Variants in MB21D2 observed in about 807,000 individuals in gnomAD.
MB21D2 encodes the protein nucleotidyltransferase MB21D2.
Under a neutral mutation model 33.3 loss-of-function variants are expected in MB21D2, and 9 were observed. The ratio of observed to expected loss-of-function variants is 0.27; its 90% confidence interval spans 0.16 to 0.47. The LOEUF (loss-of-function observed/expected upper bound fraction) is 0.47. Ranked by LOEUF, MB21D2 falls within the 20% of genes least tolerant of loss-of-function variation. The probability of loss-of-function intolerance (pLI) is 0.99; values close to 1 mark genes in which losing one functional copy is unlikely to be tolerated. For missense variants in MB21D2, 540 were observed against 624.6 expected (o/e 0.86, Z 1.44); for synonymous variants, 241 against 236.3 (o/e 1.02, Z -0.18).
intron 1 of MB21D2, among the ~76,000 whole-genome samples, chr3:192,828,944 C>T (rs927561391): frequency 6.6e-6 from 1 of 151,354 alleles, no homozygotes; most frequent in Non-Finnish European, 1.5e-5. Flanking sequence ...CCAACGTGCC[C>T]GGCCAAAACT....
At chr3:192,881,162 T>C (rs1713557864) in intron 1 of MB21D2, among the ~76,000 whole-genome samples, 4 of 152,284 alleles carry the variant, frequency 2.6e-5, no homozygotes, top group African/African-American at 9.6e-5. Flanking sequence ...GCAAGTTATC[T>C]TTGTAAACAG....
At chr3:192,857,181 C>A (rs1375385939) in intron 1 of MB21D2, among the ~76,000 whole-genome samples, 2 of 152,136 alleles carry the variant, frequency 1.3e-5, no homozygotes, top group African/African-American at 2.4e-5. Flanking sequence ...AAACAACAGG[C>A]CCTGCAAAAT....
intron 1 of MB21D2, among the ~76,000 whole-genome samples, chr3:192,857,635 G>A (rs1465540996): frequency 6.6e-6 from 1 of 151,826 alleles, no homozygotes; most frequent in Non-Finnish European, 1.5e-5. Context: ...CAAAAATTAG[G>A]CTAAAGAGAA....
At chr3:192,888,998 A>G (rs1713792743) in intron 1 of MB21D2, among the ~76,000 whole-genome samples, 1 of 152,008 alleles carries the variant, frequency 6.6e-6, no homozygotes, top group Non-Finnish European at 1.5e-5. Context: ...CATGCCCCTT[A>G]TGGTTCACAT....
At chr3:192,823,609 C>G (rs1286757858) in intron 1 of MB21D2, among the ~76,000 whole-genome samples, 1 of 152,068 alleles carries the variant, frequency 6.6e-6, no homozygotes, top group Non-Finnish European at 1.5e-5. Flanking sequence ...GAGACAAGAT[C>G]ACGCCATTGT....
intron 1 of MB21D2, among the ~76,000 whole-genome samples, chr3:192,892,425 G>A (rs988478503): frequency 6.6e-6 from 1 of 152,162 alleles, no homozygotes; most frequent in Non-Finnish European, 1.5e-5. Context: ...TCTTAATTTA[G>A]GAGTTTGCTA....
At chr3:192,888,234 T>C (rs1424929204) in intron 1 of MB21D2, among the ~76,000 whole-genome samples, 1 of 152,002 alleles carries the variant, frequency 6.6e-6, no homozygotes, top group African/African-American at 2.4e-5. Context: ...TAAATAGCCA[T>C]GAAAATCTAA....
rs140982042 is a variant in MB21D2 at position 192,882,357 on chromosome 3, G to T, written c.211+35273C>A. 5.9e-5 allele frequency among the ~76,000 whole-genome samples: 8 copies of T among 135,008 alleles called. 1 individual carries two copies. In the East Asian group the frequency reaches 1.8e-3, roughly 30 times the overall value. 88.6% of individuals were successfully genotyped at this position (135,008 alleles called of 152,430 possible). A position where few individuals can be genotyped will look rare whatever the true frequency, so the allele number is the denominator to read the frequency against. On this transcript the variant is annotated intron_variant, in intron 1 of 1. Coordinates refer to ENST00000392452, the MANE Select transcript of MB21D2 (RefSeq NM_178496.4). ...CCCAAAGTGCTGGGATTACAGGCAT[G>T]AGCCACTGCGCCCCGCACATTATTA...
chr3:192,916,379 C>T (rs921771983), intron 1 of MB21D2, among the ~76,000 whole-genome samples: 1 of 152,134 alleles, frequency 6.6e-6, no homozygotes, highest in Non-Finnish European at 1.5e-5. Flanking sequence ...AGGATAGAAG[C>T]AGCAACAGCC....
chr3:192,819,477 G>A (rs990386196), intron 1 of MB21D2, among the ~76,000 whole-genome samples: 2 of 152,174 alleles, frequency 1.3e-5, no homozygotes, highest in African/African-American at 4.8e-5. Flanking sequence ...AGTCAAGTGA[G>A]CAGAACCTGG....
chr3:192,913,901 T>A (rs1714408175), intron 1 of MB21D2, among the ~76,000 whole-genome samples: 1 of 152,078 alleles, frequency 6.6e-6, no homozygotes, highest in Non-Finnish European at 1.5e-5. Context: ...AACTATAGAT[T>A]TTAACATTTT....
chr3:192,879,640 G>C (rs1713517073), intron 1 of MB21D2, among the ~76,000 whole-genome samples: 1 of 152,190 alleles, frequency 6.6e-6, no homozygotes, highest in Non-Finnish European at 1.5e-5. Context: ...GGGCAGAGAA[G>C]GGGGTATCCG....
chr3:192,871,925 T>G (rs1172415031), intron 1 of MB21D2, among the ~76,000 whole-genome samples: 1 of 152,130 alleles, frequency 6.6e-6, no homozygotes, highest in Non-Finnish European at 1.5e-5. Flanking sequence ...GGGTACTGGA[T>G]AGAGACATCA....
intron 1 of MB21D2, among the ~76,000 whole-genome samples, chr3:192,852,160 T>C (rs1254052916): frequency 6.6e-6 from 1 of 152,064 alleles, no homozygotes; most frequent in African/African-American, 2.4e-5. Flanking sequence ...GGAGAGAAAA[T>C]ATGGGGCGAG....
intron 1 of MB21D2, among the ~76,000 whole-genome samples, chr3:192,873,347 C>A (rs930546028): frequency 6.6e-6 from 1 of 152,176 alleles, no homozygotes; most frequent in African/African-American, 2.4e-5. Flanking sequence ...TTCATCATAG[C>A]ACACAAAGAG....
chr3:192,875,069 C>A (rs750091976), intron 1 of MB21D2, among the ~76,000 whole-genome samples: 1 of 151,922 alleles, frequency 6.6e-6, no homozygotes, highest in Non-Finnish European at 1.5e-5. Context: ...TGCCACCTAT[C>A]TTCTACTGAG....
At chr3:192,817,392 GTAGA>G (rs1017411099) in intron 1 of MB21D2, among the ~76,000 whole-genome samples, 5 of 151,870 alleles carry the variant, frequency 3.3e-5, no homozygotes, top group Non-Finnish European at 5.9e-5. Flanking sequence ...AAAGCACCTG[GTAGA>G]TAGGAGAGAG....
chr3:192,905,782 G>A (rs566410443), intron 1 of MB21D2, among the ~76,000 whole-genome samples: 5 of 151,990 alleles, frequency 3.3e-5, no homozygotes, highest in East Asian at 3.9e-4. Flanking sequence ...GCAGTGAGCC[G>A]AGATCGCACC....
intron 1 of MB21D2, among the ~76,000 whole-genome samples, chr3:192,808,413 G>A (rs987909044): frequency 6.6e-6 from 1 of 152,212 alleles, no homozygotes; most frequent in East Asian, 1.9e-4. Flanking sequence ...AAGGCTATGA[G>A]AGCCATCTTC....
Sources: gnomAD v4.1 joint callset for allele counts (sites outside exome capture counted in the v4.1 genomes callset) on GRCh38, gnomAD v4.1.1 for gene constraint, MANE v1.5 for transcripts, NCBI Gene and HGNC (gene_info 2026-07-23, HGNC 2026-07-21) for gene names.